The following NEURL1 variants were observed in gnomAD, a reference collection of about 807,000 sequenced individuals.
NEURL1 encodes the protein E3 ubiquitin-protein ligase NEURL1.
Under a neutral mutation model 41.2 loss-of-function variants are expected in NEURL1, and 26 were observed. The ratio of observed to expected loss-of-function variants is 0.63; its 90% confidence interval spans 0.46 to 0.87. The LOEUF is 0.87. NEURL1 is among the 40% of genes least tolerant of loss of function. The pLI, the probability that NEURL1 is intolerant of heterozygous loss-of-function variation, is 0.00. For missense variants in NEURL1, 761 were observed against 871.1 expected (o/e 0.87, Z 1.59); for synonymous variants, 400 against 402.3 (o/e 0.99, Z 0.07).
chr10:103,525,277 A>G (rs2133856747), intron 1 of NEURL1, among the ~76,000 whole-genome samples: 1 of 149,568 alleles, frequency 6.7e-6, no homozygotes, highest in South Asian at 2.1e-4. Context: ...TTGATTTTGT[A>G]TTCTGAAATT....
intron 4 of NEURL1, among the ~76,000 whole-genome samples, 186 bp downstream of exon 4, chr10:103,585,411 G>A (rs1252762980): frequency 6.6e-6 from 1 of 152,156 alleles, no homozygotes; most frequent in East Asian, 1.9e-4. Flanking sequence ...ATGTCACCTG[G>A]GAGACTCACC....
chr10:103,520,773 G>T (rs2034330464), intron 1 of NEURL1, among the ~76,000 whole-genome samples: 1 of 152,144 alleles, frequency 6.6e-6, no homozygotes. Context: ...GCGGGATTAG[G>T]GTTGGCGTGG....
rs1433171503 is a variant in NEURL1 at position 103,528,520 on chromosome 10, G to T, written c.85+34048G>T. The stretch of plus-strand genomic sequence containing the variant: ...ACTGCACTCCAGCCTGGGCAATAGA[G>T]CGTGACTCCGTCTCAAAAAAAAAAA... On this transcript the variant is annotated intron_variant, in intron 1 of 5. Coordinates refer to ENST00000369780, the MANE Select transcript of NEURL1 (RefSeq NM_004210.5). Among the ~76,000 whole-genome samples, 3 of 149,344 alleles carry T rather than the reference G, an allele frequency of 2.0e-5. No individual in the cohort carries two copies. In the East Asian group the frequency reaches 5.9e-4, roughly 29 times the overall value.
At chr10:103,521,243 G>A (rs113491142) in intron 1 of NEURL1, among the ~76,000 whole-genome samples, 29 of 152,290 alleles carry the variant, frequency 1.9e-4, no homozygotes, top group African/African-American at 5.8e-4. Context: ...TAAAGGGCCG[G>A]TCCGTTATTG....
At chr10:103,562,775 G>T (rs941374234) in intron 1 of NEURL1, among the ~76,000 whole-genome samples, 1 of 152,132 alleles carries the variant, frequency 6.6e-6, no homozygotes, top group African/African-American at 2.4e-5. Flanking sequence ...ATCTACGTCC[G>T]AAGGATGCAT....
intron 3 of NEURL1, among the ~76,000 whole-genome samples, chr10:103,581,708 C>T (rs1201312185): frequency 6.6e-6 from 1 of 152,140 alleles, no homozygotes; most frequent in Admixed American, 6.5e-5. Context: ...GAGGTGATGG[C>T]CACACTATGC....
At chr10:103,497,708 C>T (rs763532398) in intron 1 of NEURL1, among the ~76,000 whole-genome samples, 13 of 152,278 alleles carry the variant, frequency 8.5e-5, no homozygotes, top group East Asian at 1.9e-4. Flanking sequence ...GAGAGGTCCA[C>T]GGTGTAGCTC....
chr10:103,526,260 T>G (rs2034457163), intron 1 of NEURL1, among the ~76,000 whole-genome samples: 1 of 152,188 alleles, frequency 6.6e-6, no homozygotes, highest in South Asian at 2.1e-4. Context: ...TTGAATAAGT[T>G]TAGAAGAATT....
intron 1 of NEURL1, among the ~76,000 whole-genome samples, chr10:103,518,867 G>A (rs1274887399): frequency 6.6e-6 from 1 of 152,206 alleles, no homozygotes; most frequent in Non-Finnish European, 1.5e-5. Flanking sequence ...GTTGAGTAGT[G>A]TTGGGGAACG....
At chr10:103,510,516 A>G (rs2034045359) in intron 1 of NEURL1, among the ~76,000 whole-genome samples, 1 of 152,090 alleles carries the variant, frequency 6.6e-6, no homozygotes, top group Non-Finnish European at 1.5e-5. Flanking sequence ...GGGGCGGGAG[A>G]TGGGCCAGGT....
chr10:103,516,972 C>CCCTCCCTT (rs2034225255), intron 1 of NEURL1, among the ~76,000 whole-genome samples: 1 of 147,660 alleles, frequency 6.8e-6, no homozygotes, highest in African/African-American at 2.5e-5. Flanking sequence ...TTTCCTCCCT[C>CCCTCCCTT]CCTCCCTTCC....
In NEURL1 at chr10:103,571,020, C is replaced by T. The variant is rs752451079; in HGVS notation, c.234C>T (p.Leu78=). 2.5e-6 allele frequency: 4 copies of T among 1,614,060 alleles called. No individual in the cohort carries two copies. In the Admixed American group the frequency reaches 5.0e-5, roughly 20 times the overall value. ...AGGGCTCCCAGATCCTCATGGACCT[C>T]AGCCACAAGGCTGTCAAGAGGCAGG... ...HTKGSQILMD[L]SHKAVKRQAS... The change falls in exon 2 of 6, where the codon CTC becomes CTT. Residue 78 remains leucine, a synonymous_variant. Coordinates refer to ENST00000369780, the MANE Select transcript of NEURL1 (RefSeq NM_004210.5).
intron 4 of NEURL1, chr10:103,588,636 G>C: frequency 2.7e-6 from 1 of 370,402 alleles, no homozygotes; most frequent in Non-Finnish European, 5.4e-6. Context: ...GGGAAAGAGG[G>C]AGGCGAGGAT....
intron 1 of NEURL1, among the ~76,000 whole-genome samples, chr10:103,549,336 C>T (rs1446679841): frequency 1.3e-5 from 2 of 152,218 alleles, no homozygotes; most frequent in Non-Finnish European, 2.9e-5. Flanking sequence ...GGGCACCTGT[C>T]CCAACCCCCG....
chr10:103,504,389 A>G (rs2033899602), intron 1 of NEURL1, among the ~76,000 whole-genome samples: 4 of 152,138 alleles, frequency 2.6e-5, no homozygotes, highest in Admixed American at 2.6e-4. Flanking sequence ...ATTACTGGTT[A>G]CGTATTTGTA....
At chr10:103,528,162 C>T (rs977237661) in intron 1 of NEURL1, among the ~76,000 whole-genome samples, 3 of 152,144 alleles carry the variant, frequency 2.0e-5, no homozygotes, top group Non-Finnish European at 4.4e-5. Context: ...TTGAGACCAG[C>T]CTGGCCAACC....
intron 3 of NEURL1, among the ~76,000 whole-genome samples, chr10:103,572,736 G>A (rs1213822633): frequency 6.6e-6 from 1 of 152,182 alleles, no homozygotes; most frequent in Non-Finnish European, 1.5e-5. Context: ...GTGCATGTGC[G>A]CACACATAGA....
At chr10:103,560,230 C>T (rs1384142122) in intron 1 of NEURL1, among the ~76,000 whole-genome samples, 2 of 152,216 alleles carry the variant, frequency 1.3e-5, no homozygotes, top group Admixed American at 6.5e-5. Flanking sequence ...TACTGGGCTG[C>T]ACTTCCCCTC....
chr10:103,579,589 G>A (rs547252385), intron 3 of NEURL1, among the ~76,000 whole-genome samples: 6 of 152,236 alleles, frequency 3.9e-5, no homozygotes, highest in African/African-American at 9.6e-5. Flanking sequence ...TTAGTTCCTC[G>A]AAAGTCCTGT....
Sources: gnomAD v4.1 joint callset for allele counts (sites outside exome capture counted in the v4.1 genomes callset) on GRCh38, gnomAD v4.1.1 for gene constraint, MANE v1.5 for transcripts, NCBI Gene and HGNC (gene_info 2026-07-23, HGNC 2026-07-21) for gene names.